Variants in ARMH3 observed in about 807,000 individuals in gnomAD.
The protein encoded by ARMH3 is armadillo like helical domain containing 3, also known as armadillo-like helical domain-containing protein 3.
A neutral mutation model predicts 99.1 loss-of-function variants in ARMH3; 60 were observed. That is an observed-to-expected ratio of 0.61 (90% confidence interval 0.49 to 0.75). The LOEUF is 0.75. Among genes scored for constraint, ARMH3 ranks in the 30% least tolerant of loss-of-function variants. ARMH3 has a pLI of 0.00. For synonymous variants in ARMH3, 285 were observed against 292.8 expected, an observed-to-expected ratio of 0.97 and a Z score of 0.27; for missense variants, 679 against 843.1, an observed-to-expected ratio of 0.81 and a Z score of 2.41.
At chr10:101,853,170 C>G (rs1589904685) in intron 24 of ARMH3, among the ~76,000 whole-genome samples, 1 of 151,742 alleles carries the variant, frequency 6.6e-6, no homozygotes, top group East Asian at 1.9e-4. Flanking sequence ...GGATTACAGG[C>G]GTGAGTCACA....
At chr10:101,971,313 T>C (rs1303781775) in intron 20 of ARMH3, among the ~76,000 whole-genome samples, 1 of 152,058 alleles carries the variant, frequency 6.6e-6, no homozygotes, top group African/African-American at 2.4e-5. Flanking sequence ...GCGCAGTGGC[T>C]CACACCTGTA....
At chr10:102,047,733 C>A (rs544199475) in intron 1 of ARMH3, among the ~76,000 whole-genome samples, 1 of 152,236 alleles carries the variant, frequency 6.6e-6, no homozygotes, top group East Asian at 1.9e-4. Context: ...AAGTGATCTG[C>A]CCACTTGGCC....
intron 1 of ARMH3, among the ~76,000 whole-genome samples, chr10:102,041,090 A>ATATATATATATATATATATAT (rs1554897209): frequency 7.5e-6 from 1 of 132,642 alleles, no homozygotes; most frequent in Non-Finnish European, 1.6e-5. Context: ...ATATATATAT[A>ATATATATATATATATATATAT]ATATATATAT....
chr10:101,960,889 C>CAAA (rs36000408), intron 20 of ARMH3, among the ~76,000 whole-genome samples: 2 of 74,542 alleles, frequency 2.7e-5, no homozygotes, highest in African/African-American at 6.4e-5. Flanking sequence ...AACTCCGTCT[C>CAAA]AAAAAAAAAA....
intron 24 of ARMH3, among the ~76,000 whole-genome samples, chr10:101,857,582 A>G (rs931869640): frequency 1.3e-5 from 2 of 152,204 alleles, no homozygotes; most frequent in African/African-American, 4.8e-5. Context: ...CCCTCTCATC[A>G]TCCTGGAGAA....
intron 24 of ARMH3, among the ~76,000 whole-genome samples, chr10:101,867,139 G>A (rs2067022797): frequency 6.6e-6 from 1 of 152,166 alleles, no homozygotes; most frequent in African/African-American, 2.4e-5. Flanking sequence ...GAAAGGAAAA[G>A]AAAAACACCT....
chr10:101,962,480 T>C (rs1845342483), intron 20 of ARMH3, among the ~76,000 whole-genome samples: 1 of 152,006 alleles, frequency 6.6e-6, no homozygotes, highest in African/African-American at 2.4e-5. Flanking sequence ...TCAAACTACA[T>C]TCACCTCTTT....
At chr10:102,041,090 A>AATATATATATATATAATATATATAT (rs2067404493) in intron 1 of ARMH3, among the ~76,000 whole-genome samples, 1 of 132,642 alleles carries the variant, frequency 7.5e-6, no homozygotes, top group Non-Finnish European at 1.6e-5. Context: ...ATATATATAT[A>AATATATATATATATAATATATATAT]ATATATATAT....
At chr10:102,003,533 GC>G (rs2066416358) in intron 14 of ARMH3, among the ~76,000 whole-genome samples, 1 of 152,158 alleles carries the variant, frequency 6.6e-6, no homozygotes, top group African/African-American at 2.4e-5. Flanking sequence ...CTTGTTAAGT[GC>G]TTTTACACTG....
chr10:102,050,677 G>GT (rs2067679931), intron 1 of ARMH3, among the ~76,000 whole-genome samples: 1 of 151,050 alleles, frequency 6.6e-6, no homozygotes, highest in South Asian at 2.1e-4. Flanking sequence ...GGCCAACATG[G>GT]TAAAACCCCA....
intron 15 of ARMH3, among the ~76,000 whole-genome samples, chr10:102,001,019 G>T (rs2066350155): frequency 6.6e-6 from 1 of 151,996 alleles, no homozygotes; most frequent in South Asian, 2.1e-4. Flanking sequence ...GTTTCACCAT[G>T]TTGGCCAGGC....
intron 22 of ARMH3, among the ~76,000 whole-genome samples, chr10:101,942,679 T>C (rs1367110906): frequency 1.3e-5 from 2 of 152,052 alleles, no homozygotes; most frequent in Non-Finnish European, 1.5e-5. Context: ...CTAGCCAACA[T>C]GGTGAAACCC....
chr10:101,914,851 T>C (rs1457043911), intron 23 of ARMH3, among the ~76,000 whole-genome samples: 1 of 98,986 alleles, frequency 1.0e-5, no homozygotes, highest in African/African-American at 3.8e-5. Flanking sequence ...TAGGTGACAG[T>C]GAAAATCCAT....
At position 101,845,877 on chromosome 10, in the gene ARMH3, T is replaced by G. The variant is rs890933773; in HGVS notation, c.*1651A>C. 1 of 152,274 alleles carries G rather than the reference T, an allele frequency of 6.6e-6. No individual in the cohort carries two copies. Among genetic ancestry groups the G allele is most frequent in the East Asian group, 1.9e-4 (1 of 5,206 alleles). The allele number at this position is 152,274 out of a possible 1,614,324, so 9.4% of individuals were successfully genotyped here. ...TATCCCAAAGAGATTTGAGGTTAAA[T>G]GGATGGCAGTCCAGGTGGTCCCAGA... On this transcript the variant is annotated 3_prime_UTR_variant, in exon 26 of 26. Transcript: ENST00000370033.
chr10:101,995,502 T>C lies in ARMH3; in HGVS notation c.1151-147A>G, dbSNP rs530403443. ...ATAAATGAAAATCAAGGTACTACTATAGTAATTCTTGCTTCCCTCCTAGGC... is the reference window on the plus strand; with the variant it reads ...ATAAATGAAAATCAAGGTACTACTACAGTAATTCTTGCTTCCCTCCTAGGC... On this transcript the variant is annotated intron_variant, in intron 15 of 25. Coordinates refer to ENST00000370033, the MANE Select transcript of ARMH3 (RefSeq NM_024541.3). 1.1e-5 allele frequency: 7 copies of C among 662,030 alleles called. No homozygotes were observed. In the African/African-American group the frequency reaches 1.1e-4, roughly 10 times the overall value. 41.0% of individuals were successfully genotyped at this position (662,030 alleles called of 1,614,324 possible). A position where few individuals can be genotyped will look rare whatever the true frequency, so the allele number is the denominator to read the frequency against.
rs866987493 is a variant in ARMH3, at chr10:101,864,080, C to T, written c.1861-14188G>A. Among the ~76,000 whole-genome samples, 56 of 113,510 alleles carry T rather than the reference C, an allele frequency of 4.9e-4. 1 individual carries two copies. The highest frequency in any genetic ancestry group is 2.0e-3 in the African/African-American group (53 of 26,788). 74.5% of individuals were successfully genotyped at this position (113,510 alleles called of 152,430 possible). A position where few individuals can be genotyped will look rare whatever the true frequency, so the allele number is the denominator to read the frequency against. On this transcript the variant is annotated intron_variant, in intron 24 of 25. Transcript: ENST00000370033. ...CATCTCAAAAAAAAAAAAAAAAAAACACACACACACACACACACACACACA... is the reference window on the plus strand; with the variant it reads ...CATCTCAAAAAAAAAAAAAAAAAAATACACACACACACACACACACACACA...
chr10:101,944,267 TATATATAGAGAGAGAGAGAGAG>T (rs1352138540), intron 22 of ARMH3, among the ~76,000 whole-genome samples: 33 of 51,134 alleles, frequency 6.5e-4, no homozygotes, highest in East Asian at 3.7e-3. Context: ...TATATATATA[TATATATAGAGAGAGAGAGAGAG>T]AGAGAGAGAG....
At chr10:101,855,221 C>T (rs2066709179) in intron 24 of ARMH3, among the ~76,000 whole-genome samples, 2 of 141,820 alleles carry the variant, frequency 1.4e-5, no homozygotes, top group African/African-American at 5.2e-5. Context: ...GTGCCTGCCA[C>T]CACTCCTGGC....
rs2066484057 is a variant in ARMH3 at position 101,847,255 on chromosome 10, AG to A, written c.*272del. Reference sequence around the variant, plus strand: ...TTGTAACCTCAAGATTGGAAATGTGAGGGGCTGTTTAGGGAGCCCACTCTGG... The same window carrying A: ...TTGTAACCTCAAGATTGGAAATGTGAGGGCTGTTTAGGGAGCCCACTCTGG... On this transcript the variant is annotated 3_prime_UTR_variant, in exon 26 of 26. Coordinates refer to ENST00000370033, the MANE Select transcript of ARMH3 (RefSeq NM_024541.3). 1.3e-5 allele frequency: 5 copies of A among 390,300 alleles called. No homozygotes were observed. Among genetic ancestry groups the A allele is most frequent in the Admixed American group, 3.8e-5 (1 of 26,086 alleles). 24.2% of individuals were successfully genotyped at this position (390,300 alleles called of 1,614,324 possible). A position where few individuals can be genotyped will look rare whatever the true frequency, so the allele number is the denominator to read the frequency against.
Sources: allele counts gnomAD v4.1 joint callset (sites outside exome capture counted in the v4.1 genomes callset), GRCh38; gene constraint gnomAD v4.1.1; transcripts MANE v1.5; gene names NCBI Gene and HGNC (gene_info 2026-07-23, HGNC 2026-07-21).